DACH1: variants seen among roughly 807,000 people sequenced by gnomAD.
DACH1 encodes dachshund homolog 1.
Under a neutral mutation model 54.2 loss-of-function variants are expected in DACH1, and 12 were observed. The ratio of observed to expected loss-of-function variants is 0.22; its 90% CI spans 0.14 to 0.36. The LOEUF (loss-of-function observed/expected upper bound fraction) is 0.36. Ranked by LOEUF, DACH1 falls within the 10% of genes least tolerant of loss-of-function variation. The pLI is 1.00. For missense variants in DACH1, 805 were observed against 929.8 expected (o/e 0.87, Z 1.75); for synonymous variants, 386 against 366.2 (o/e 1.05, Z -0.62).
intron 1 of DACH1, among the ~76,000 whole-genome samples, chr13:71,696,673 G>A (rs574784928): frequency 3.3e-5 from 5 of 151,668 alleles, no homozygotes; most frequent in South Asian, 4.2e-4. Flanking sequence ...TCAGCCTCCC[G>A]AATAGCAGGG....
At chr13:71,821,994 G>C (rs1888207049) in intron 1 of DACH1, among the ~76,000 whole-genome samples, 1 of 152,090 alleles carries the variant, frequency 6.6e-6, no homozygotes, top group Non-Finnish European at 1.5e-5. Flanking sequence ...CCGAAAGGCA[G>C]AGGTTGCAGT....
chr13:71,575,912 A>G (rs1317570488), intron 3 of DACH1, among the ~76,000 whole-genome samples: 1 of 152,106 alleles, frequency 6.6e-6, no homozygotes, highest in African/African-American at 2.4e-5. Flanking sequence ...TTTTTGCATT[A>G]TTTATAACAT....
chr13:71,702,328 A>G (rs887711170), intron 1 of DACH1, among the ~76,000 whole-genome samples: 3 of 152,182 alleles, frequency 2.0e-5, no homozygotes, highest in Non-Finnish European at 4.4e-5. Context: ...GTTTGCCACC[A>G]GTGAATTATT....
At chr13:71,486,627 C>A (rs1878525533) in intron 7 of DACH1, among the ~76,000 whole-genome samples, 1 of 151,990 alleles carries the variant, frequency 6.6e-6, no homozygotes, top group African/African-American at 2.4e-5. Context: ...TATACATGTG[C>A]ATGAAATTCT....
chr13:71,565,087 A>C (rs887624520), intron 4 of DACH1, among the ~76,000 whole-genome samples: 26 of 152,078 alleles, frequency 1.7e-4, no homozygotes, highest in African/African-American at 4.8e-4. Context: ...AACTTGATTA[A>C]TTTTTTGTAT....
At chr13:71,808,904 C>A (rs554409294) in intron 1 of DACH1, among the ~76,000 whole-genome samples, 2 of 152,144 alleles carry the variant, frequency 1.3e-5, no homozygotes, top group Non-Finnish European at 2.9e-5. Context: ...GAACTTAAAA[C>A]CTCACAATTA....
intron 1 of DACH1, among the ~76,000 whole-genome samples, chr13:71,716,297 T>C (rs1025633558): frequency 6.6e-6 from 1 of 152,106 alleles, no homozygotes; most frequent in Non-Finnish European, 1.5e-5. Flanking sequence ...ACCTAAGTGT[T>C]CTATATAGAA....
intron 4 of DACH1, among the ~76,000 whole-genome samples, chr13:71,565,768 G>A (rs1884859809): frequency 6.6e-6 from 1 of 152,114 alleles, no homozygotes; most frequent in Non-Finnish European, 1.5e-5. Context: ...AATATAATCT[G>A]AAACAACTTA....
intron 7 of DACH1, among the ~76,000 whole-genome samples, chr13:71,485,900 A>C (rs1411724861): frequency 6.6e-6 from 1 of 151,316 alleles, no homozygotes; most frequent in Non-Finnish European, 1.5e-5. Context: ...TTTCTATAAC[A>C]CTTAAATGCA....
intron 6 of DACH1, among the ~76,000 whole-genome samples, chr13:71,498,145 A>G (rs1879602465): frequency 6.6e-6 from 1 of 152,212 alleles, no homozygotes; most frequent in African/African-American, 2.4e-5. Flanking sequence ...AATTTAATGC[A>G]TATGTATTCC....
intron 2 of DACH1, among the ~76,000 whole-genome samples, chr13:71,648,390 A>AAGAGAGGCGACGAGAAGAGAG (rs1878445436): frequency 6.6e-6 from 1 of 152,114 alleles, no homozygotes; most frequent in Non-Finnish European, 1.5e-5. Flanking sequence ...TGCAGAGCTC[A>AAGAGAGGCGACGAGAAGAGAG]AGAGAGGCGA....
intron 3 of DACH1, among the ~76,000 whole-genome samples, chr13:71,622,324 A>C (rs1876306870): frequency 6.6e-6 from 1 of 151,956 alleles, no homozygotes; most frequent in Non-Finnish European, 1.5e-5. Context: ...TTGGACTACA[A>C]ACACCCTAGT....
At chr13:71,821,429 A>ATTTACATTTAAATTTAAATTCTAAGAT (rs1888180727) in intron 1 of DACH1, among the ~76,000 whole-genome samples, 3 of 131,122 alleles carry the variant, frequency 2.3e-5, no homozygotes, top group Non-Finnish European at 3.3e-5. Flanking sequence ...AAGATTTTAA[A>ATTTACATTTAAATTTAAATTCTAAGAT]TTTAAATTTA....
chr13:71,492,181 T>C (rs1011300218), intron 6 of DACH1, among the ~76,000 whole-genome samples: 8 of 152,190 alleles, frequency 5.3e-5, no homozygotes, highest in African/African-American at 1.9e-4. Context: ...TTCATAGTCC[T>C]GTAATGTGTG....
chr13:71,528,610 T>A (rs1882184426), intron 6 of DACH1, among the ~76,000 whole-genome samples: 1 of 151,940 alleles, frequency 6.6e-6, no homozygotes, highest in South Asian at 2.1e-4. Flanking sequence ...CTTTCTATTT[T>A]TAGTAGAGAC....
At position 71,440,186 on chromosome 13, in the gene DACH1, C is replaced by A. The variant is rs1285568624; in HGVS notation, c.*469G>T. 1 of 152,444 alleles carries A rather than the reference C, an allele frequency of 6.6e-6. No individual in the cohort carries two copies. The highest frequency in any genetic ancestry group is 1.5e-5 in the Non-Finnish European group (1 of 68,082). 9.4% of individuals were successfully genotyped at this position (152,444 alleles called of 1,614,324 possible). On this transcript the variant is annotated 3_prime_UTR_variant, in exon 11 of 11. Transcript: ENST00000613252. The stretch of plus-strand genomic sequence containing the variant: ...TTTTTTTCAAGAATCCTCTATGCCC[C>A]CTACAAGTTCATTCGTTCATTCCAA...
chr13:71,622,753 T>C (rs550845826), intron 3 of DACH1, among the ~76,000 whole-genome samples: 1 of 151,944 alleles, frequency 6.6e-6, no homozygotes, highest in African/African-American at 2.4e-5. Context: ...CCTATATACA[T>C]CCTTATATTT....
chr13:71,504,559 A>G (rs1331511126), intron 6 of DACH1, among the ~76,000 whole-genome samples: 1 of 152,140 alleles, frequency 6.6e-6, no homozygotes, highest in Non-Finnish European at 1.5e-5. Flanking sequence ...AAGGGGAGAG[A>G]GGTTAGAATG....
At chr13:71,446,488 G>T (rs1186949688) in intron 10 of DACH1, among the ~76,000 whole-genome samples, 1 of 152,146 alleles carries the variant, frequency 6.6e-6, no homozygotes, top group Non-Finnish European at 1.5e-5. Flanking sequence ...ACCAACCCAA[G>T]AAAATAATGC....
Sources: allele counts gnomAD v4.1 joint callset (sites outside exome capture counted in the v4.1 genomes callset), GRCh38; gene constraint gnomAD v4.1.1; transcripts MANE v1.5; gene names NCBI Gene and HGNC (gene_info 2026-07-23, HGNC 2026-07-21).